The following LRRTM4 variants were observed in gnomAD, a reference collection of about 807,000 sequenced individuals.
The protein encoded by LRRTM4 is leucine rich repeat transmembrane neuronal 4.
In LRRTM4, 25 loss-of-function variants were observed where a neutral mutation model predicts 47.6. The ratio of observed to expected loss-of-function variants is 0.53; its 90% confidence interval spans 0.38 to 0.73. The LOEUF is 0.73. LRRTM4 is among the 30% of genes least tolerant of loss of function. The pLI is 0.00. For synonymous variants in LRRTM4, 311 were observed against 269.5 expected, an observed-to-expected ratio of 1.15 and a Z score of -1.51; for missense variants, 638 against 713.4, an observed-to-expected ratio of 0.89 and a Z score of 1.20.
chr2:76,818,068 T>C (rs1311576664), intron 3 of LRRTM4, among the ~76,000 whole-genome samples: 12 of 151,958 alleles, frequency 7.9e-5, no homozygotes, highest in African/African-American at 2.7e-4. Flanking sequence ...ATGGCAGTTG[T>C]AGTTTGTAGC....
chr2:77,228,765 A>T (rs1258459343), intron 3 of LRRTM4, among the ~76,000 whole-genome samples: 1 of 152,208 alleles, frequency 6.6e-6, no homozygotes, highest in Non-Finnish European at 1.5e-5. Flanking sequence ...GTGCTTTCTT[A>T]AAGCAACATA....
At chr2:77,405,517 C>G (rs191102289) in intron 3 of LRRTM4, among the ~76,000 whole-genome samples, 163 of 152,166 alleles carry the variant, frequency 1.1e-3, no homozygotes, top group African/African-American at 3.8e-3. Context: ...TAAGCTGTTC[C>G]TCTTCCCCAA....
intron 3 of LRRTM4, among the ~76,000 whole-genome samples, chr2:77,385,208 A>C (rs28680982): frequency 6.6e-6 from 1 of 152,180 alleles, no homozygotes; most frequent in Non-Finnish European, 1.5e-5. Context: ...AAATTTTTCA[A>C]AAGGGATCTG....
At chr2:77,417,208 G>A (rs1300663863) in intron 3 of LRRTM4, among the ~76,000 whole-genome samples, 1 of 152,156 alleles carries the variant, frequency 6.6e-6, no homozygotes, top group Non-Finnish European at 1.5e-5. Flanking sequence ...TCTCACACCA[G>A]TTAGAATGGC....
In LRRTM4 at chr2:76,911,946, G is replaced by T. The variant is rs971126371; in HGVS notation, c.1552-163030C>A. Among the ~76,000 whole-genome samples, 26 of 124,330 alleles carry T rather than the reference G, an allele frequency of 2.1e-4. 1 individual carries two copies. The highest frequency in any genetic ancestry group is 6.7e-4 in the Admixed American group (8 of 11,896). The allele number at this position is 124,330 out of a possible 152,430, so 81.6% of individuals were successfully genotyped here. ...TGGTATGTGCTTTTTGGGGGGGGGG[G>T]GGGGACAGAGTCTCGCTCTGTCGCC... On this transcript the variant is annotated intron_variant, in intron 3 of 3. Transcript: ENST00000409884.
intron 3 of LRRTM4, among the ~76,000 whole-genome samples, chr2:77,306,447 T>C (rs1677275210): frequency 6.6e-6 from 1 of 152,192 alleles, no homozygotes; most frequent in Admixed American, 6.5e-5. Flanking sequence ...CTAAACTTAA[T>C]AGTTTCTACT....
intron 3 of LRRTM4, among the ~76,000 whole-genome samples, chr2:77,061,122 CCA>C (rs756972350): frequency 6.6e-6 from 1 of 151,174 alleles, no homozygotes; most frequent in Admixed American, 6.6e-5. Flanking sequence ...TTTTTTAACC[CCA>C]GTTTCTTTAA....
chr2:77,090,072 C>A lies in LRRTM4; in HGVS notation c.1552-341156G>T, dbSNP rs576470443. On this transcript the variant is annotated intron_variant, in intron 3 of 3. Transcript: ENST00000409884. ...GCTCCCCAGGCTGCTCCTCGCCAGGCTGAGCTAGGTCCCAATTCTTCCTCC... is the reference window on the plus strand; with the variant it reads ...GCTCCCCAGGCTGCTCCTCGCCAGGATGAGCTAGGTCCCAATTCTTCCTCC... Among the ~76,000 whole-genome samples the A allele has an allele frequency of 4.8e-3, 737 of 152,196 alleles. 2 individuals are homozygous for A. Among genetic ancestry groups the A allele is most frequent in the African/African-American group, 0.016 (657 of 41,510 alleles).
intron 3 of LRRTM4, among the ~76,000 whole-genome samples, chr2:77,332,029 T>C (rs1167852387): frequency 6.6e-6 from 1 of 152,174 alleles, no homozygotes; most frequent in Non-Finnish European, 1.5e-5. Flanking sequence ...TGACAGATAT[T>C]ATCATAAATA....
intron 3 of LRRTM4, among the ~76,000 whole-genome samples, chr2:77,001,020 A>G (rs4491748): frequency 0.12 from 18,373 of 152,136 alleles, 1,404 homozygotes; most frequent in Admixed American, 0.19. Flanking sequence ...AACCTGACAC[A>G]CAAATAAAAT....
chr2:77,507,816 G>C (rs558243487), intron 3 of LRRTM4, among the ~76,000 whole-genome samples: 1 of 152,158 alleles, frequency 6.6e-6, no homozygotes, highest in South Asian at 2.1e-4. Context: ...GAGTGGCATA[G>C]ACCTGGTGTC....
intron 3 of LRRTM4, among the ~76,000 whole-genome samples, chr2:76,967,655 C>G (rs1218367660): frequency 6.6e-6 from 1 of 151,682 alleles, no homozygotes; most frequent in Non-Finnish European, 1.5e-5. Flanking sequence ...AAAATGTGTG[C>G]TCTCAACGCA....
intron 3 of LRRTM4, among the ~76,000 whole-genome samples, chr2:77,447,547 T>C (rs1676101895): frequency 6.6e-6 from 1 of 152,144 alleles, no homozygotes; most frequent in Non-Finnish European, 1.5e-5. Context: ...TTCTGTCACT[T>C]TATAATAACT....
At chr2:77,370,310 T>C (rs1469189654) in intron 3 of LRRTM4, among the ~76,000 whole-genome samples, 1 of 151,734 alleles carries the variant, frequency 6.6e-6, no homozygotes, top group African/African-American at 2.4e-5. Flanking sequence ...TAATCTTGGC[T>C]TGATGAAGTC....
Position 77,518,633 on chromosome 2 carries a change from G to T in LRRTM4, c.1236C>A (p.Gly412=), listed in dbSNP as rs546452040. ...PSPSPGFQIP[G]AEQEYEHVSF... ...AAACATGCTCATACTCTTGCTCTGC[G>T]CCAGGAATCTGAAACCCTGGGGAAG... The change falls in exon 3 of 4, where the codon GGC becomes GGA. Residue 412 remains glycine (G), a synonymous_variant. Transcript: ENST00000409884. 1 of 1,613,272 alleles carries T rather than the reference G, an allele frequency of 6.2e-7. No homozygotes were observed. Among genetic ancestry groups the T allele is most frequent in the Non-Finnish European group, 8.5e-7 (1 of 1,179,628 alleles).
chr2:77,406,003 A>C (rs1424004592), intron 3 of LRRTM4, among the ~76,000 whole-genome samples: 2 of 152,112 alleles, frequency 1.3e-5, no homozygotes, highest in African/African-American at 4.8e-5. Context: ...CACTTGGTCC[A>C]TCTCCAGGAG....
At chr2:76,842,079 A>G (rs553662858) in intron 3 of LRRTM4, among the ~76,000 whole-genome samples, 16 of 152,322 alleles carry the variant, frequency 1.1e-4, no homozygotes, top group African/African-American at 3.6e-4. Context: ...TGAAATTTGA[A>G]TATGGTAAAC....
At chr2:76,953,888 A>T (rs975917442) in intron 3 of LRRTM4, among the ~76,000 whole-genome samples, 1 of 151,958 alleles carries the variant, frequency 6.6e-6, no homozygotes, top group Admixed American at 6.6e-5. Flanking sequence ...AAGAGAGGTC[A>T]GTAGCTTATG....
intron 3 of LRRTM4, among the ~76,000 whole-genome samples, chr2:77,253,884 T>C (rs1675690167): frequency 6.6e-6 from 1 of 152,038 alleles, no homozygotes. Flanking sequence ...TTACAAAAGA[T>C]CTAACATTCA....
Sources: allele counts gnomAD v4.1 joint callset (sites outside exome capture counted in the v4.1 genomes callset), GRCh38; gene constraint gnomAD v4.1.1; transcripts MANE v1.5; gene names NCBI Gene and HGNC (gene_info 2026-07-23, HGNC 2026-07-21).